Variants in TIMM22 observed in about 807,000 individuals in gnomAD.
TIMM22 encodes the protein mitochondrial import inner membrane translocase subunit Tim22.
Under a neutral mutation model 18.3 loss-of-function variants are expected in TIMM22, and 12 were observed. That is an observed-to-expected ratio of 0.65 (90% CI 0.42 to 1.06). TIMM22 has a LOEUF of 1.06. Ranked by LOEUF, TIMM22 falls within the 50% of genes least tolerant of loss-of-function variation. TIMM22 has a pLI of 0.00. For missense variants in TIMM22, 278 were observed against 252.8 expected (o/e 1.10, Z -0.68); for synonymous variants, 107 against 98.5 (o/e 1.09, Z -0.51).
At chr17:998,618 C>T (rs1015714563) in intron 1 of TIMM22, among the ~76,000 whole-genome samples, 161 bp from the exon 2 acceptor site, 4 of 152,108 alleles carry the variant, frequency 2.6e-5, no homozygotes, top group African/African-American at 9.7e-5. Flanking sequence ...AACATAGACC[C>T]TGGATTGCAA....
In TIMM22 at chr17:998,915, T is replaced by G; in HGVS notation, c.375T>G (p.Tyr125Ter). ...LKDMGQRGMS[Y>*]AKNFAIVGAM... The stretch of plus-strand genomic sequence containing the variant: ...ACATGGGGCAGAGAGGAATGTCCTA[T>G]GCCAAAAATTTCGCCATTGTGGGAG... Residue 125 changes from tyrosine to a stop codon, truncating the protein, a stop_gained, in exon 2 of 4, where the codon TAT becomes TAG. Transcript: ENST00000327158. LOFTEE classifies it high-confidence loss of function. 1 of 1,614,148 alleles carries G rather than the reference T, an allele frequency of 6.2e-7. No homozygotes were observed. The highest frequency in any genetic ancestry group is 8.5e-7 in the Non-Finnish European group (1 of 1,179,998).
rs749520550 is a variant in TIMM22, at chr17:997,178, C to T, written c.36C>T (p.Ala12=). Reference sequence around the variant, plus strand: ...CCGCCCCCAATGCCGGAGGCTCGGCCCCTGAGACAGCGGGTTCCGCCGAAG... The same window carrying T: ...CCGCCCCCAATGCCGGAGGCTCGGCTCCTGAGACAGCGGGTTCCGCCGAAG... ...AAAAPNAGGS[A]PETAGSAEAP... is the part of the protein sequence containing the mutation. Residue 12 remains alanine (A), a synonymous_variant, in exon 1 of 4, where the codon GCC becomes GCT. Transcript: ENST00000327158. 6 of 1,611,624 alleles carry T rather than the reference C, an allele frequency of 3.7e-6. No individual in the cohort carries two copies. In the East Asian group the frequency reaches 6.7e-5, roughly 18 times the overall value.
In TIMM22 at chr17:999,588, A is replaced by C. The variant is rs1251076591; in HGVS notation, c.508+4A>C. ...GGAGGAGCTATTGGTTTCAGAGGTT[A>C]GTAAACGGCTCTCGAATGCTTTTTC... On this transcript the variant is annotated splice_donor_region_variant and intron_variant, in intron 3 of 3. Transcript: ENST00000327158. The C allele has an allele frequency of 1.2e-6, 2 of 1,612,678 alleles. No individual in the cohort carries two copies. The highest frequency in any genetic ancestry group is 3.3e-5 in the Admixed American group (2 of 59,828).
chr17:999,636 T>C, intron 3 of TIMM22, 52 bp downstream of exon 3: 1 of 1,547,526 alleles, frequency 6.5e-7, no homozygotes. Context: ...GACAACGTGC[T>C]GAGGTTGTCA....
intron 2 of TIMM22, 75 bp downstream of exon 2, chr17:999,050 A>G (rs1268039492): frequency 6.7e-7 from 1 of 1,483,470 alleles, no homozygotes; most frequent in East Asian, 2.3e-5. Context: ...ATTGCTCTTT[A>G]AAAGTCATTT....
intron 3 of TIMM22, 132 bp downstream of exon 3, chr17:999,716 C>A: frequency 2.1e-6 from 2 of 933,236 alleles, no homozygotes; most frequent in Non-Finnish European, 1.6e-6. Context: ...ATGTTTGTTT[C>A]TGTGGTAACT....
chr17:997,161 A>C lies in TIMM22; in HGVS notation c.19A>C (p.Asn7His), dbSNP rs879066343. 6.2e-7 allele frequency: 1 copy of C among 1,608,508 alleles called. No individual in the cohort carries two copies. The highest frequency in any genetic ancestry group is 1.1e-5 in the South Asian group (1 of 90,854). MAAAAP[N>H]AGGSAPETAG... ...GACTGTCATGGCGGCGGCCGCCCCC[A>C]ATGCCGGAGGCTCGGCCCCTGAGAC... Residue 7 changes from asparagine to histidine, a missense_variant, in exon 1 of 4, where the codon AAT (asparagine) becomes CAT (histidine). By Grantham distance (68) the Asn-to-His change is moderately conservative (BLOSUM62 1). Coordinates refer to ENST00000327158, the MANE Select transcript of TIMM22 (RefSeq NM_013337.4).
In TIMM22 at chr17:997,186, C is replaced by T. The variant is rs1299789495; in HGVS notation, c.44C>T (p.Thr15Ile). 2.5e-6 allele frequency: 4 copies of T among 1,612,010 alleles called. No homozygotes were observed. In the South Asian group the frequency reaches 3.3e-5, roughly 13 times the overall value. Reference protein sequence around the residue: ...APNAGGSAPETAGSAEAPLQY... With the variant: ...APNAGGSAPEIAGSAEAPLQY... ...AATGCCGGAGGCTCGGCCCCTGAGA[C>T]AGCGGGTTCCGCCGAAGCTCCGCTG... Residue 15 changes from threonine to isoleucine, a missense_variant, in exon 1 of 4, where the codon ACA becomes ATA. Coordinates refer to ENST00000327158, the MANE Select transcript of TIMM22 (RefSeq NM_013337.4).
rs1427092282 is a variant in TIMM22, at chr17:1,001,827, GAA to G, written c.*740_*741del. On this transcript the variant is annotated 3_prime_UTR_variant, in exon 4 of 4. Transcript: ENST00000327158. ...TTACATCTGCCAGGGCCTGCCTCAA[GAA>G]GCCCAGCCCAGCCTTTTCCTGGGAT... 6.6e-6 allele frequency: 1 copy of G among 152,186 alleles called. No individual in the cohort carries two copies. The highest frequency in any genetic ancestry group is 1.5e-5 in the Non-Finnish European group (1 of 68,052). The allele number at this position is 152,186 out of a possible 1,614,324, so 9.4% of individuals were successfully genotyped here. A position where few individuals can be genotyped will look rare whatever the true frequency, so the allele number is the denominator to read the frequency against.
In TIMM22 at chr17:997,187, A is replaced by G. The variant is rs143321619; in HGVS notation, c.45A>G (p.Thr15=). The G allele has an allele frequency of 6.9e-3, 11,057 of 1,612,094 alleles. 54 individuals are homozygous for G. The highest frequency in any genetic ancestry group is 8.4e-3 in the Non-Finnish European group (9,881 of 1,179,760). The change falls in exon 1 of 4, where the codon ACA becomes ACG. Residue 15 remains threonine, a synonymous_variant. Coordinates refer to ENST00000327158, the MANE Select transcript of TIMM22 (RefSeq NM_013337.4). ...APNAGGSAPE[T]AGSAEAPLQY... The stretch of plus-strand genomic sequence containing the variant: ...ATGCCGGAGGCTCGGCCCCTGAGAC[A>G]GCGGGTTCCGCCGAAGCTCCGCTGC...
At position 1,001,196 on chromosome 17, in the gene TIMM22, C is replaced by T. The variant is rs1273989084; in HGVS notation, c.*108C>T. 4 of 1,205,072 alleles carry T rather than the reference C, an allele frequency of 3.3e-6. No individual in the cohort carries two copies. In the South Asian group the frequency reaches 3.8e-5, roughly 11 times the overall value. 74.6% of individuals were successfully genotyped at this position (1,205,072 alleles called of 1,614,324 possible). On this transcript the variant is annotated 3_prime_UTR_variant, in exon 4 of 4. Coordinates refer to ENST00000327158, the MANE Select transcript of TIMM22 (RefSeq NM_013337.4). ...CCTTGCTTCAGGGCCTGAAGACATT[C>T]ATTTTCCCTCATGTCGTTGGTATTC...
At chr17:997,434 G>T in intron 1 of TIMM22, 54 bp downstream of exon 1, 1 of 1,544,850 alleles carries the variant, frequency 6.5e-7, no homozygotes, top group Non-Finnish European at 8.8e-7. Flanking sequence ...CGGCAGTGGG[G>T]ATCTCTGCCG....
At position 1,001,314 on chromosome 17, in the gene TIMM22, C is replaced by G. The variant is rs1292659007; in HGVS notation, c.*226C>G. On this transcript the variant is annotated 3_prime_UTR_variant, in exon 4 of 4. Coordinates refer to ENST00000327158, the MANE Select transcript of TIMM22 (RefSeq NM_013337.4). ...CAGCCAGCCTTCACAGAGGACGTCC[C>G]GTGCCAGATTCTCTCACAGCAGATC... is the stretch of plus-strand genomic sequence containing the variant. 2 of 486,596 alleles carry G rather than the reference C, an allele frequency of 4.1e-6. No individual in the cohort carries two copies. Among genetic ancestry groups the G allele is most frequent in the South Asian group, 4.1e-5 (2 of 49,010 alleles). 30.1% of individuals were successfully genotyped at this position (486,596 alleles called of 1,614,324 possible). A position where few individuals can be genotyped will look rare whatever the true frequency, so the allele number is the denominator to read the frequency against.
intron 3 of TIMM22, 84 bp downstream of exon 3, chr17:999,668 C>T: frequency 2.4e-6 from 3 of 1,252,580 alleles, no homozygotes; most frequent in Non-Finnish European, 3.4e-6. Context: ...ACGAGTGTTC[C>T]AGGGACACTT....
Position 997,222 on chromosome 17 carries a change from T to G in TIMM22, c.80T>G (p.Leu27Arg). Residue 27 changes from leucine (L) to arginine (R), a missense_variant, in exon 1 of 4, where the codon CTG (leucine) becomes CGG (arginine). By Grantham distance (102) the Leu-to-Arg change is moderately radical. Transcript: ENST00000327158. ...GCCGAAGCTCCGCTGCAGTACAGCC[T>G]GCTCCTGCAGTACCTGGTGGGTGAC... ...GSAEAPLQYS[L>R]LLQYLVGDKR... 1 of 1,613,164 alleles carries G rather than the reference T, an allele frequency of 6.2e-7. No individual in the cohort carries two copies. Among genetic ancestry groups the G allele is most frequent in the Non-Finnish European group, 8.5e-7 (1 of 1,179,920 alleles).
chr17:999,358 T>TATATATACATACATATATAC (rs1408779709), intron 2 of TIMM22, among the ~76,000 whole-genome samples, 154 bp from the exon 3 acceptor site: 1 of 132,588 alleles, frequency 7.5e-6, no homozygotes, highest in African/African-American at 3.2e-5. Context: ...TATATATATA[T>TATATATACATACATATATAC]ACACGCTGTA....
Position 1,002,108 on chromosome 17 carries a change from T to C in TIMM22, c.*1020T>C, listed in dbSNP as rs1239662483. 6.6e-6 allele frequency: 1 copy of C among 151,456 alleles called. No individual in the cohort carries two copies. The highest frequency in any genetic ancestry group is 1.5e-5 in the Non-Finnish European group (1 of 67,970). The allele number at this position is 151,456 out of a possible 1,614,324, so 9.4% of individuals were successfully genotyped here. A position where few individuals can be genotyped will look rare whatever the true frequency, so the allele number is the denominator to read the frequency against. ...AACATGTCGTGTTTTCGACTTGACC[T>C]TGTGGTATTTTTCTTGGCCTAGTTG... On this transcript the variant is annotated 3_prime_UTR_variant, in exon 4 of 4. Transcript: ENST00000327158.
In TIMM22 at chr17:999,358, T is replaced by TACATATATAC. The variant is rs1555524936; in HGVS notation, c.436-151_436-150insTATATACACA. Among the ~76,000 whole-genome samples the TACATATATAC allele has an allele frequency of 2.7e-3, 353 of 132,234 alleles. 6 individuals are homozygous for TACATATATAC. The highest frequency in any genetic ancestry group is 0.011 in the African/African-American group (330 of 30,928). The allele number at this position is 132,234 out of a possible 152,430, so 86.8% of individuals were successfully genotyped here. On this transcript the variant is annotated intron_variant, in intron 2 of 3. Coordinates refer to ENST00000327158, the MANE Select transcript of TIMM22 (RefSeq NM_013337.4). ...ATATATATATATATATATATATATA[T>TACATATATAC]ACACGCTGTATACTTAGGAACTATA...
rs976418414 is a variant in TIMM22 at position 998,807 on chromosome 17, G to A, written c.267G>A (p.Val89=). 2.5e-6 allele frequency: 4 copies of A among 1,613,828 alleles called. No homozygotes were observed. Among genetic ancestry groups the A allele is most frequent in the Non-Finnish European group, 2.5e-6 (3 of 1,179,918 alleles). The stretch of plus-strand genomic sequence containing the variant: ...TTGTCTTAGGAGGTGCATTTGGGGT[G>A]TTTACCGCTGGCATCGATACCAACG... ...GGFVLGGAFG[V]FTAGIDTNVG... is the part of the protein sequence containing the mutation. The change falls in exon 2 of 4, where the codon GTG becomes GTA. Residue 89 remains valine, a synonymous_variant. Coordinates refer to ENST00000327158, the MANE Select transcript of TIMM22 (RefSeq NM_013337.4).
Sources: gnomAD v4.1 joint callset for allele counts (sites outside exome capture counted in the v4.1 genomes callset) on GRCh38, gnomAD v4.1.1 for gene constraint, MANE v1.5 for transcripts, NCBI Gene and HGNC (gene_info 2026-07-23, HGNC 2026-07-21) for gene names.